The following RIMBP2 variants were observed in gnomAD, a reference collection of about 807,000 sequenced individuals.
RIMBP2 encodes the protein RIMS-binding protein 2.
In RIMBP2, 48 loss-of-function variants were observed where a neutral mutation model predicts 118.6. The observed-to-expected ratio is 0.40, with a 90% CI of 0.32 to 0.51. The LOEUF is 0.51. Among genes scored for constraint, RIMBP2 ranks in the 20% least tolerant of loss-of-function variants. The pLI is 0.41. For synonymous variants in RIMBP2, 762 were observed against 742.9 expected (o/e 1.03, Z -0.42); for missense variants, 1,551 against 1,768.3 (o/e 0.88, Z 2.20).
At chr12:130,608,742 G>A (rs1220708932) in intron 2 of RIMBP2, among the ~76,000 whole-genome samples, 1 of 152,168 alleles carries the variant, frequency 6.6e-6, no homozygotes, top group East Asian at 1.9e-4. Context: ...TTGTGGAATG[G>A]TTAAATCTAG....
rs1388394929 is a variant in RIMBP2 at position 130,424,283 on chromosome 12, C to T, written c.2988G>A (p.Pro996=). 53 of 1,231,710 alleles carry T rather than the reference C, an allele frequency of 4.3e-5. No individual in the cohort carries two copies. The highest frequency in any genetic ancestry group is 5.0e-5 in the Non-Finnish European group (49 of 987,906). The allele number at this position is 1,231,710 out of a possible 1,614,324, so 76.3% of individuals were successfully genotyped here. ...NDDPQPGPER[P]PPRKHGWGEP... ...CGCCCCAGCCGTGCTTCCTGGGGGG[C>T]GGCCTCTCCGGGCCGGGCTGGGGGT... The change falls in exon 16 of 23, where the codon CCG becomes CCA. Residue 996 remains proline (P), a synonymous_variant. Transcript: ENST00000690449. This position sits in a 1 kb window ranked among gnomAD's most constrained non-coding sequence, Gnocchi z 9.8.
chr12:130,557,182 A>C (rs1566257792), intron 2 of RIMBP2, among the ~76,000 whole-genome samples: 1 of 152,094 alleles, frequency 6.6e-6, no homozygotes, highest in Non-Finnish European at 1.5e-5. Context: ...GAAGATGGGC[A>C]AAGAAGGGTA....
At chr12:130,552,830 C>T (rs1350113425) in intron 2 of RIMBP2, among the ~76,000 whole-genome samples, 1 of 152,148 alleles carries the variant, frequency 6.6e-6, no homozygotes, top group Non-Finnish European at 1.5e-5. Context: ...AGGGTCATTC[C>T]ATTTTGCAGC....
In RIMBP2 at chr12:130,535,521, AAAT is replaced by A. The variant is rs1259746619; in HGVS notation, c.-216-17607_-216-17605del. On this transcript the variant is annotated intron_variant, in intron 2 of 22. Coordinates refer to ENST00000690449, the MANE Select transcript of RIMBP2 (RefSeq NM_001393629.1). Reference sequence around the variant, plus strand: ...CAACAGAATGAGACTTTGTCTCTAAAAATAATAATATTAATAACAACACTGCAC... The same window carrying A: ...CAACAGAATGAGACTTTGTCTCTAAAAATAATATTAATAACAACACTGCAC... Among the ~76,000 whole-genome samples, 7 of 151,832 alleles carry A rather than the reference AAAT, an allele frequency of 4.6e-5. No individual in the cohort carries two copies. In the East Asian group the frequency reaches 5.8e-4, roughly 13 times the overall value.
Position 130,523,895 on chromosome 12 carries a change from G to A in RIMBP2, c.-216-5978C>T, listed in dbSNP as rs1175403478. Among the ~76,000 whole-genome samples the A allele has an allele frequency of 6.6e-6, 1 of 152,182 alleles. No individual in the cohort carries two copies. Among genetic ancestry groups the A allele is most frequent in the Admixed American group, 6.5e-5 (1 of 15,286 alleles). The stretch of plus-strand genomic sequence containing the variant: ...CAGGTCTGGTCTCAGAGGTGGGGAA[G>A]AGGGTCCACCCAGCACAAATACATA... On this transcript the variant is annotated intron_variant, in intron 2 of 22. Transcript: ENST00000690449. This position sits in a 1 kb window ranked among gnomAD's most constrained non-coding sequence, Gnocchi z 4.4.
rs558320195 is a variant in RIMBP2 at position 130,644,454 on chromosome 12, A to G, written c.-351-15998T>C. On this transcript the variant is annotated intron_variant, in intron 1 of 22. Transcript: ENST00000690449. ...TCGATCTGGACTCTACCTGTGGCCG[A>G]ATTCATTATCCAGTCTGGGAAGATT... 2.5e-3 allele frequency among the ~76,000 whole-genome samples: 384 copies of G among 152,290 alleles called. 3 individuals are homozygous for G. Among genetic ancestry groups the G allele is most frequent in the Non-Finnish European group, 4.5e-3 (307 of 68,010 alleles).
intron 10 of RIMBP2, among the ~76,000 whole-genome samples, chr12:130,443,084 A>G (rs1321654741): frequency 1.3e-5 from 2 of 152,142 alleles, no homozygotes; most frequent in Non-Finnish European, 2.9e-5. Context: ...GCTTTTGGAG[A>G]TTAAGAAAAT....
rs147251276 is a variant in RIMBP2, at chr12:130,467,926, G to A, written c.153+2767C>T. 2.1e-3 allele frequency among the ~76,000 whole-genome samples: 323 copies of A among 152,292 alleles called. 2 individuals carry two copies. Among genetic ancestry groups the A allele is most frequent in the African/African-American group, 7.5e-3 (313 of 41,556 alleles). Reference sequence around the variant, plus strand: ...CCATCTCAGACACCTTTGGTTCTCCGTGTGCTCAGGCATTTTATGTAACAT... The same window carrying A: ...CCATCTCAGACACCTTTGGTTCTCCATGTGCTCAGGCATTTTATGTAACAT... On this transcript the variant is annotated intron_variant, in intron 6 of 22. Coordinates refer to ENST00000690449, the MANE Select transcript of RIMBP2 (RefSeq NM_001393629.1).
chr12:130,654,776 G>A (rs1221646824), intron 1 of RIMBP2, among the ~76,000 whole-genome samples: 1 of 152,256 alleles, frequency 6.6e-6, no homozygotes, highest in Non-Finnish European at 1.5e-5. Context: ...AAAACAGGGT[G>A]CAGGCATCTG....
Position 130,622,860 on chromosome 12 carries a change from A to G in RIMBP2, c.-217+5462T>C, listed in dbSNP as rs1014908428. Among the ~76,000 whole-genome samples the G allele has an allele frequency of 9.2e-5, 14 of 152,210 alleles. No homozygotes were observed. Among genetic ancestry groups the G allele is most frequent in the African/African-American group, 3.4e-4 (14 of 41,448 alleles). On this transcript the variant is annotated intron_variant, in intron 2 of 22. Coordinates refer to ENST00000690449, the MANE Select transcript of RIMBP2 (RefSeq NM_001393629.1). This position sits in a 1 kb window ranked among gnomAD's most constrained non-coding sequence, Gnocchi z 8.5. The stretch of plus-strand genomic sequence containing the variant: ...CTCTCTGACCCTGCTCAATGCTTAG[A>G]TGTAACCTCTGTTCCCAGAGCTCAT...
chr12:130,573,125 C>T (rs2057810356), intron 2 of RIMBP2, among the ~76,000 whole-genome samples: 1 of 152,158 alleles, frequency 6.6e-6, no homozygotes, highest in Non-Finnish European at 1.5e-5. Flanking sequence ...TGAAGCAACA[C>T]TGCAGGCCCC....
chr12:130,521,726 G>A (rs2052146855), intron 2 of RIMBP2, among the ~76,000 whole-genome samples: 1 of 152,208 alleles, frequency 6.6e-6, no homozygotes, highest in Non-Finnish European at 1.5e-5. Context: ...AGCTCCAGCT[G>A]TAGGCACCAC....
At position 130,451,128 on chromosome 12, in the gene RIMBP2, G is replaced by A. The variant is rs1023571919; in HGVS notation, c.504+67C>T. ...TGGGGAAGAAAAAACAGGACAAACT[G>A]GCCAACGTCCACACCAGACACACAC... On this transcript the variant is annotated intron_variant, in intron 8 of 22. Transcript: ENST00000690449. 1.3e-5 allele frequency: 20 copies of A among 1,540,606 alleles called. No individual in the cohort carries two copies. The African/African-American group carries it at 2.6e-4, about 20-fold the overall frequency.
Position 130,517,909 on chromosome 12 carries a change from T to G in RIMBP2, c.-208A>C, listed in dbSNP as rs753519677. 6.2e-5 allele frequency: 61 copies of G among 985,004 alleles called. No individual in the cohort carries two copies. The highest frequency in any genetic ancestry group is 7.2e-5 in the Non-Finnish European group (60 of 829,304). The allele number at this position is 985,004 out of a possible 1,614,324, so 61.0% of individuals were successfully genotyped here. Reference sequence around the variant, plus strand: ...ACTCTCCCTGGGTGGCATCCTTCAGTTCATTTTCCTAGGACAAAAGGAAAG... The same window carrying G: ...ACTCTCCCTGGGTGGCATCCTTCAGGTCATTTTCCTAGGACAAAAGGAAAG... On this transcript the variant is annotated 5_prime_UTR_variant, in exon 3 of 23. Transcript: ENST00000690449.
intron 2 of RIMBP2, among the ~76,000 whole-genome samples, chr12:130,626,285 A>T (rs2061617411): frequency 6.6e-6 from 1 of 152,154 alleles, no homozygotes; most frequent in Non-Finnish European, 1.5e-5. Context: ...CTGAACACAT[A>T]CTGGCTGGAT....
rs73152908 is a variant in RIMBP2 at position 130,439,829 on chromosome 12, G to A, written c.1505-1313C>T. On this transcript the variant is annotated intron_variant, in intron 11 of 22. Transcript: ENST00000690449. ...TGAGTCTGTGGGGGTGTCTGTGTGT[G>A]TGTGTATGTGTATCTGTGAGTCTGT... Among the ~76,000 whole-genome samples the A allele has an allele frequency of 8.9e-4, 97 of 109,498 alleles. 1 individual carries two copies. Among genetic ancestry groups the A allele is most frequent in the South Asian group, 4.5e-3 (14 of 3,140 alleles). The allele number at this position is 109,498 out of a possible 152,430, so 71.8% of individuals were successfully genotyped here.
Position 130,396,261 on chromosome 12 carries a change from A to G in RIMBP2, c.*1100T>C, listed in dbSNP as rs550934680. 1 of 152,828 alleles carries G rather than the reference A, an allele frequency of 6.5e-6. No individual in the cohort carries two copies. The highest frequency in any genetic ancestry group is 1.9e-4 in the East Asian group (1 of 5,194). The allele number at this position is 152,828 out of a possible 1,614,324, so 9.5% of individuals were successfully genotyped here. Reference sequence around the variant, plus strand: ...TAAATCTACCACATACTATTATATTACAATTTATAATAGCGTTTTTGAAGA... The same window carrying G: ...TAAATCTACCACATACTATTATATTGCAATTTATAATAGCGTTTTTGAAGA... On this transcript the variant is annotated 3_prime_UTR_variant, in exon 23 of 23. Transcript: ENST00000690449.
At chr12:130,519,177 G>A (rs1178656427) in intron 2 of RIMBP2, among the ~76,000 whole-genome samples, 2 of 152,154 alleles carry the variant, frequency 1.3e-5, no homozygotes, top group African/African-American at 4.8e-5. Flanking sequence ...ACAATATTTC[G>A]AGTGCTCAGA....
rs552484800 is a variant in RIMBP2, at chr12:130,446,565, A to G, written c.582-1296T>C. ...ATCCAAGACCCTGACAGCACCCAGC[A>G]GGTCAGCCTAGAGGGCTGTGCACCA... On this transcript the variant is annotated intron_variant, in intron 9 of 22. Transcript: ENST00000690449. This position sits in a 1 kb window ranked among gnomAD's most constrained non-coding sequence, Gnocchi z 4.1. Among the ~76,000 whole-genome samples the G allele has an allele frequency of 2.0e-5, 3 of 152,338 alleles. No individual in the cohort carries two copies. Among genetic ancestry groups the G allele is most frequent in the Non-Finnish European group, 4.4e-5 (3 of 68,034 alleles).
Sources: gnomAD v4.1 joint callset for allele counts (sites outside exome capture counted in the v4.1 genomes callset) on GRCh38, gnomAD v4.1.1 for gene constraint, Gnocchi (gnomAD v3.1) non-coding constraint, MANE v1.5 for transcripts, NCBI Gene and HGNC (gene_info 2026-07-23, HGNC 2026-07-21) for gene names.